VPS13C: variants seen among roughly 807,000 people sequenced by gnomAD.
VPS13C encodes the protein vacuolar protein sorting 13 homolog C, also known as intermembrane lipid transfer protein VPS13C.
In VPS13C, 358 loss-of-function variants were observed where a neutral mutation model predicts 456.8. That is an observed-to-expected ratio of 0.78 (90% CI 0.72 to 0.86). The LOEUF (loss-of-function observed/expected upper bound fraction) is 0.86, where lower values mean the gene tolerates loss of function less well. Among genes scored for constraint, VPS13C ranks in the 40% least tolerant of loss-of-function variants. VPS13C has a pLI of 0.00. For missense variants in VPS13C, 4,818 were observed against 4,385.4 expected (o/e 1.10, Z -2.79); for synonymous variants, 1,578 against 1,486.7 (o/e 1.06, Z -1.41).
At chr15:62,002,682 G>T (rs1169921117) in intron 15 of VPS13C, among the ~76,000 whole-genome samples, 1 of 131,196 alleles carries the variant, frequency 7.6e-6, no homozygotes, top group Non-Finnish European at 1.6e-5. Context: ...AATCCATCTT[G>T]AATTGATTTT....
intron 9 of VPS13C, among the ~76,000 whole-genome samples, chr15:62,018,276 A>C (rs1440093572): frequency 4.6e-5 from 7 of 151,936 alleles, no homozygotes; most frequent in African/African-American, 9.7e-5. Context: ...AATACCCTTT[A>C]TTTCTTTCTC....
intron 45 of VPS13C, 34 bp from the exon 46 acceptor site, chr15:61,942,101 G>C: frequency 6.7e-7 from 1 of 1,493,792 alleles, no homozygotes; most frequent in Non-Finnish European, 8.9e-7. Context: ...GGGGAAAAAA[G>C]GCATTTATTT....
At chr15:61,935,787 T>A (rs1195437304) in intron 48 of VPS13C, 2 of 152,198 alleles carry the variant, frequency 1.3e-5, no homozygotes, top group African/African-American at 4.8e-5. Flanking sequence ...ACACCTAGCC[T>A]AACTATAGGA....
rs143734239 is a variant in VPS13C, at chr15:61,902,564, C to A, written c.9105+4700G>T. 6.0e-3 allele frequency among the ~76,000 whole-genome samples: 898 copies of A among 149,310 alleles called. 7 individuals carry two copies. The highest frequency in any genetic ancestry group is 0.022 in the African/African-American group (853 of 38,806). On this transcript the variant is annotated intron_variant, in intron 66 of 84. Coordinates refer to ENST00000644861, the MANE Select transcript of VPS13C (RefSeq NM_020821.3). ...GTTCAACATAAGCAAATTAACATGACACATGACATTAATAGAATCAAGGAC... is the reference window on the plus strand; with the variant it reads ...GTTCAACATAAGCAAATTAACATGAAACATGACATTAATAGAATCAAGGAC...
intron 46 of VPS13C, 125 bp downstream of exon 46, chr15:61,941,638 G>C (rs1488685550): frequency 3.8e-6 from 4 of 1,051,002 alleles, no homozygotes; most frequent in Non-Finnish European, 5.3e-6. Context: ...CAATGGTCAA[G>C]GTTTCATAAT....
chr15:61,949,185 G>C (rs1393711506), intron 42 of VPS13C, among the ~76,000 whole-genome samples: 1 of 151,950 alleles, frequency 6.6e-6, no homozygotes, highest in Non-Finnish European at 1.5e-5. Context: ...TCAACATAAA[G>C]TACATACAAT....
chr15:62,060,447 C>T lies in VPS13C; in HGVS notation c.-73G>A. On this transcript the variant is annotated 5_prime_UTR_variant, in exon 1 of 85. Transcript: ENST00000644861. The stretch of plus-strand genomic sequence containing the variant: ...CAGCTGAGGGCTGCGACCAGCGCTG[C>T]AAATGACAGCCCCTCCGGCGCAGGC... 5.5e-6 allele frequency: 4 copies of T among 727,772 alleles called. No individual in the cohort carries two copies. Among genetic ancestry groups the T allele is most frequent in the Non-Finnish European group, 8.9e-6 (4 of 450,982 alleles). The allele number at this position is 727,772 out of a possible 1,614,324, so 45.1% of individuals were successfully genotyped here. A position where few individuals can be genotyped will look rare whatever the true frequency, so the allele number is the denominator to read the frequency against.
At chr15:62,037,382 A>G (rs1330898734) in intron 3 of VPS13C, among the ~76,000 whole-genome samples, 1 of 88,792 alleles carries the variant, frequency 1.1e-5, no homozygotes, top group African/African-American at 4.0e-5. Flanking sequence ...TTATATATAA[A>G]TGTATATAAT....
chr15:62,026,449 G>A (rs2047643026), intron 6 of VPS13C, among the ~76,000 whole-genome samples: 1 of 151,950 alleles, frequency 6.6e-6, no homozygotes, highest in Non-Finnish European at 1.5e-5. Flanking sequence ...GGAAGCTGTC[G>A]ATCTCAAGTT....
At chr15:61,941,515 T>G (rs949819641) in intron 46 of VPS13C, among the ~76,000 whole-genome samples, 1 of 152,164 alleles carries the variant, frequency 6.6e-6, no homozygotes, top group African/African-American at 2.4e-5. Flanking sequence ...TAAACTATAA[T>G]TTTATAATAG....
intron 21 of VPS13C, among the ~76,000 whole-genome samples, chr15:61,981,969 G>A (rs2140387337): frequency 6.6e-6 from 1 of 152,244 alleles, no homozygotes; most frequent in South Asian, 2.1e-4. Flanking sequence ...GGTGAAAACT[G>A]CATATAGTCA....
chr15:61,987,250 T>C (rs2046083865), intron 18 of VPS13C, among the ~76,000 whole-genome samples: 1 of 151,884 alleles, frequency 6.6e-6, no homozygotes, highest in Admixed American at 6.6e-5. Flanking sequence ...GAGGTCTTAC[T>C]TTAAGACTTA....
Position 61,920,554 on chromosome 15 carries a change from T to C in VPS13C, c.7156A>G (p.Thr2386Ala), listed in dbSNP as rs760293894. The C allele has an allele frequency of 6.3e-6, 10 of 1,580,410 alleles. No homozygotes were observed. The Admixed American group carries it at 7.9e-5, about 13-fold the overall frequency. Residue 2386 changes from threonine to alanine, a missense_variant, in exon 56 of 85, where the codon ACA becomes GCA. By Grantham distance (58) the Thr-to-Ala change is moderately conservative (BLOSUM62 0). Around this residue, in one of 3 missense-constraint regions of VPS13C, gnomAD observed 4,552 missense variants for 4,130.6 expected, o/e 1.10. Transcript: ENST00000644861. ...QMAIHISSGNTMNITISKSCL... is the reference protein window; with the variant it reads ...QMAIHISSGNAMNITISKSCL... ...CTTTTGGATATTGTTATATTCATTG[T>C]ATTTCCTGAAGAAATATGAATTGCC...
chr15:62,013,973 G>A lies in VPS13C; in HGVS notation c.704C>T (p.Thr235Ile). 2 of 1,610,424 alleles carry A rather than the reference G, an allele frequency of 1.2e-6. No individual in the cohort carries two copies. The highest frequency in any genetic ancestry group is 2.2e-5 in the South Asian group (2 of 90,642). Residue 235 changes from threonine to isoleucine, a missense_variant, in exon 10 of 85, where the codon ACT (threonine) becomes ATT (isoleucine). Physicochemically the swap from Thr to Ile is moderately conservative, Grantham distance 89. Around this residue, in one of 3 missense-constraint regions of VPS13C, gnomAD observed 4,552 missense variants for 4,130.6 expected, o/e 1.10. Coordinates refer to ENST00000644861, the MANE Select transcript of VPS13C (RefSeq NM_020821.3). ...GTCTGCTTCATTTAATATGCATGGA[G>A]TCCAGTGTTCATTTGCAGTCTAAAA... Reference protein sequence around the residue: ...LSLLTANEHWTPCILNEADKI... With the variant: ...LSLLTANEHWIPCILNEADKI...
At chr15:61,936,486 A>G (rs1487440832) in intron 48 of VPS13C, 111 bp downstream of exon 48, 19 of 1,088,900 alleles carry the variant, frequency 1.7e-5, no homozygotes, top group Non-Finnish European at 2.3e-5. Context: ...AAGTAGTACA[A>G]TACTGAATTA....
intron 64 of VPS13C, among the ~76,000 whole-genome samples, chr15:61,909,863 A>C (rs1017465821): frequency 6.6e-6 from 1 of 151,704 alleles, no homozygotes. Flanking sequence ...CATTCTCAGC[A>C]AACTATGGCA....
chr15:61,928,438 A>G (rs1170749275), intron 51 of VPS13C, among the ~76,000 whole-genome samples: 2 of 152,224 alleles, frequency 1.3e-5, no homozygotes, highest in African/African-American at 4.8e-5. Context: ...CAATGCATAT[A>G]TAAATATAGC....
intron 16 of VPS13C, among the ~76,000 whole-genome samples, 184 bp downstream of exon 16, chr15:62,000,380 T>A (rs1239558028): frequency 1.3e-5 from 2 of 151,898 alleles, no homozygotes; most frequent in African/African-American, 4.8e-5. Context: ...AAAATAATAA[T>A]AAAAATAAGG....
chr15:61,981,515 A>G, intron 21 of VPS13C, 37 bp from the exon 22 acceptor site: 1 of 1,535,860 alleles, frequency 6.5e-7, no homozygotes, highest in Non-Finnish European at 8.8e-7. Context: ...TTAGATGGTC[A>G]AGTTGAAATA....
Sources: allele counts gnomAD v4.1 joint callset (sites outside exome capture counted in the v4.1 genomes callset), GRCh38; gene constraint gnomAD v4.1.1; regional missense constraint gnomAD v4.1.1; transcripts MANE v1.5; gene names NCBI Gene and HGNC (gene_info 2026-07-23, HGNC 2026-07-21).